SCARB2: variants seen among roughly 807,000 people sequenced by gnomAD.
The protein encoded by SCARB2 is scavenger receptor class B member 2.
SCARB2 carries 29 observed loss-of-function variants against 58.6 expected under a neutral mutation model. The ratio of observed to expected loss-of-function variants is 0.49; its 90% CI spans 0.37 to 0.67. The LOEUF (loss-of-function observed/expected upper bound fraction) is 0.67. Ranked by LOEUF, SCARB2 falls within the 30% of genes least tolerant of loss-of-function variation. SCARB2 has a pLI of 0.00. For synonymous variants in SCARB2, 195 were observed against 210.1 expected, an observed-to-expected ratio of 0.93 and a Z score of 0.62; for missense variants, 488 against 578.5, an observed-to-expected ratio of 0.84 and a Z score of 1.60.
intron 11 of SCARB2, chr4:76,163,018 G>A (rs1430219071): frequency 3.1e-6 from 2 of 636,664 alleles, no homozygotes; most frequent in Non-Finnish European, 5.5e-6. Context: ...AATATTAGAT[G>A]GTACCTTCTA....
chr4:76,204,785 A>G (rs1023821536), intron 1 of SCARB2, among the ~76,000 whole-genome samples: 2 of 152,120 alleles, frequency 1.3e-5, no homozygotes, highest in African/African-American at 4.8e-5. Context: ...TTATTTTGCA[A>G]CCTGTTTGGT....
intron 1 of SCARB2, among the ~76,000 whole-genome samples, chr4:76,223,863 C>T (rs956975369): frequency 6.6e-6 from 1 of 152,106 alleles, no homozygotes; most frequent in South Asian, 2.1e-4. Flanking sequence ...GTGAGTCTCC[C>T]TGGACTATTG....
intron 2 of SCARB2, among the ~76,000 whole-genome samples, chr4:76,190,639 G>T (rs1408996665): frequency 6.6e-6 from 1 of 152,076 alleles, no homozygotes; most frequent in Non-Finnish European, 1.5e-5. Context: ...CAAAAAATTA[G>T]CCAGGCGTGG....
chr4:76,197,343 G>C (rs1211500260), intron 1 of SCARB2, among the ~76,000 whole-genome samples: 1 of 152,250 alleles, frequency 6.6e-6, no homozygotes, highest in African/African-American at 2.4e-5. Flanking sequence ...GCCTTAAGAT[G>C]CATGGCAAGT....
chr4:76,166,298 T>C lies in SCARB2; in HGVS notation c.1191A>G (p.Glu397=). The C allele has an allele frequency of 6.2e-7, 1 of 1,614,102 alleles. No individual in the cohort carries two copies. The highest frequency in any genetic ancestry group is 8.5e-7 in the Non-Finnish European group (1 of 1,179,980). ...IYVKKLDDFV[E]TGDIRTMVFP... ...AAACCATGGTTCTAATGTCTCCCGT[T>C]TCACTACAAAGACAAAGGATGAGAT... Residue 397 remains glutamate, a synonymous_variant, in exon 10 of 12, where the codon GAA becomes GAG. Coordinates refer to ENST00000264896, the MANE Select transcript of SCARB2 (RefSeq NM_005506.4).
intron 2 of SCARB2, among the ~76,000 whole-genome samples, chr4:76,189,287 A>G (rs1159715346): frequency 6.6e-6 from 1 of 152,200 alleles, no homozygotes; most frequent in Non-Finnish European, 1.5e-5. Context: ...GTCTGTTCTC[A>G]TGCTGCTAAT....
intron 9 of SCARB2, among the ~76,000 whole-genome samples, chr4:76,167,927 A>G (rs747974865): frequency 1.8e-4 from 28 of 151,970 alleles, no homozygotes; most frequent in African/African-American, 2.7e-4. Flanking sequence ...TGATCCACCC[A>G]CCTTGGCCTC....
chr4:76,180,147 G>C (rs1014154249), intron 3 of SCARB2: 1 of 223,386 alleles, frequency 4.5e-6, no homozygotes, highest in African/African-American at 2.3e-5. Context: ...CATATGGAGC[G>C]GTCACCTAGG....
upstream of SCARB2, chr4:76,214,374 TGG>T: frequency 2.3e-6 from 1 of 443,154 alleles, no homozygotes; most frequent in Admixed American, 2.5e-5. Context: ...TGTGCAAGAA[TGG>T]AAGATGTGCA....
chr4:76,167,920 T>G (rs1241884085), intron 9 of SCARB2, among the ~76,000 whole-genome samples: 2 of 152,100 alleles, frequency 1.3e-5, no homozygotes, highest in African/African-American at 4.8e-5. Context: ...GACCTTGTGA[T>G]CCACCCACCT....
At chr4:76,163,745 G>A (rs1046242207) in intron 10 of SCARB2, 4 of 341,296 alleles carry the variant, frequency 1.2e-5, no homozygotes, top group Non-Finnish European at 2.2e-5. Context: ...CTCAGGCCTA[G>A]TCAAAGGCCT....
chr4:76,224,088 C>T (rs375673787), intron 1 of SCARB2, among the ~76,000 whole-genome samples: 3 of 152,296 alleles, frequency 2.0e-5, no homozygotes, highest in East Asian at 1.9e-4. Flanking sequence ...CAGAATGTGA[C>T]GTGCATCACA....
chr4:76,205,716 T>C (rs1732917100), intron 1 of SCARB2, among the ~76,000 whole-genome samples: 1 of 152,180 alleles, frequency 6.6e-6, no homozygotes, highest in South Asian at 2.1e-4. Flanking sequence ...GGCCATGGGT[T>C]TGTACATTTG....
At position 76,169,981 on chromosome 4, in the gene SCARB2, T is replaced by G. The variant is rs747277292; in HGVS notation, c.999A>C (p.Ala333=). The G allele has an allele frequency of 6.2e-7, 1 of 1,611,342 alleles. No homozygotes were observed. The highest frequency in any genetic ancestry group is 8.5e-7 in the Non-Finnish European group (1 of 1,177,588). The part of the protein sequence containing the change: ...VLNVSICKNG[A]PIIMSFPHFY... ...AGTGTGGGAAAGACATAATGATGGG[T>G]GCACCTGCATTTGAAGGAAAACAGA... Residue 333 remains alanine, a synonymous_variant, in exon 8 of 12, where the codon GCA becomes GCC. Coordinates refer to ENST00000264896, the MANE Select transcript of SCARB2 (RefSeq NM_005506.4).
chr4:76,211,588 G>A (rs1733048399), intron 1 of SCARB2, among the ~76,000 whole-genome samples: 2 of 152,144 alleles, frequency 1.3e-5, no homozygotes, highest in African/African-American at 2.4e-5. Context: ...TTACAGATGG[G>A]GAAAACATGA....
At chr4:76,194,935 C>T (rs113813744) in intron 2 of SCARB2, 2 of 152,112 alleles carry the variant, frequency 1.3e-5, no homozygotes, top group Non-Finnish European at 2.9e-5. Flanking sequence ...TTGCTTATTG[C>T]TTATACGCAG....
At chr4:76,179,780 T>C (rs1732341660) in intron 3 of SCARB2, 75 bp from the exon 4 acceptor site, 4 of 1,089,710 alleles carry the variant, frequency 3.7e-6, no homozygotes, top group Non-Finnish European at 5.6e-6. Context: ...TACTACCCCA[T>C]AGCAAAGGGG....
exon 1 of SCARB2, chr4:76,234,465 ACAGGGAC>A (rs1337723123): frequency 1.3e-5 from 2 of 152,242 alleles, no homozygotes; most frequent in Admixed American, 1.3e-4. Flanking sequence ...AAAGGAAGAA[ACAGGGAC>A]TCTTGCTAGG....
At chr4:76,186,801 T>C (rs1406266710) in intron 2 of SCARB2, among the ~76,000 whole-genome samples, 1 of 149,160 alleles carries the variant, frequency 6.7e-6, no homozygotes, top group Non-Finnish European at 1.5e-5. Flanking sequence ...TCTTTTTCTA[T>C]TTTTTTTTAC....
Sources: allele counts gnomAD v4.1 joint callset (sites outside exome capture counted in the v4.1 genomes callset), GRCh38; gene constraint gnomAD v4.1.1; transcripts MANE v1.5; gene names NCBI Gene and HGNC (gene_info 2026-07-23, HGNC 2026-07-21).